Variants in PPP1R14D observed in about 807,000 individuals in gnomAD.
PPP1R14D encodes protein phosphatase 1 regulatory inhibitor subunit 14D, also known as protein phosphatase 1 regulatory subunit 14D.
In PPP1R14D, 14 loss-of-function variants were observed where a neutral mutation model predicts 17.1. The ratio of observed to expected loss-of-function variants is 0.82; its 90% CI spans 0.54 to 1.28. PPP1R14D has a LOEUF of 1.28. PPP1R14D is among the 50% of genes most tolerant of loss of function. PPP1R14D has a pLI of 0.00. For missense variants in PPP1R14D, 173 were observed against 179.2 expected, an observed-to-expected ratio of 0.97 and a Z score of 0.20; for synonymous variants, 67 against 66.1, an observed-to-expected ratio of 1.01 and a Z score of -0.06.
rs558484456 is a variant in PPP1R14D at position 40,819,589 on chromosome 15, C to T, written c.256-3336G>A. 6.6e-5 allele frequency among the ~76,000 whole-genome samples: 10 copies of T among 152,022 alleles called. No individual in the cohort carries two copies. The East Asian group carries it at 1.5e-3, about 23-fold the overall frequency. ...ATTATGAAAATAATCACAGAACCTC[C>T]GAAAGAGTTCTTGGGAATCTCCGAA... On this transcript the variant is annotated intron_variant, in intron 1 of 3. Coordinates refer to ENST00000299174, the MANE Select transcript of PPP1R14D (RefSeq NM_017726.8).
intron 1 of PPP1R14D, among the ~76,000 whole-genome samples, chr15:40,824,797 T>A (rs934151207): frequency 6.6e-6 from 1 of 152,194 alleles, no homozygotes; most frequent in African/African-American, 2.4e-5. Context: ...TGGTCAACAG[T>A]GTCCCTTGCT....
intron 1 of PPP1R14D, 62 bp downstream of exon 1, chr15:40,828,325 T>C (rs1890905449): frequency 1.3e-6 from 2 of 1,513,376 alleles, no homozygotes; most frequent in Non-Finnish European, 1.8e-6. Flanking sequence ...CCTGTGAAGG[T>C]CTCAGTGCCC....
rs1890673016 is a variant in PPP1R14D, at chr15:40,816,651, C to T, written c.256-398G>A. 2.6e-5 allele frequency among the ~76,000 whole-genome samples: 4 copies of T among 151,722 alleles called. No individual in the cohort carries two copies. The South Asian group carries it at 8.3e-4, about 32-fold the overall frequency. The stretch of plus-strand genomic sequence containing the variant: ...TCACTTGAACCCAGAACCTGGGAGG[C>T]AGAGGTTGCAGTGAGCCGAGATTGT... On this transcript the variant is annotated intron_variant, in intron 1 of 3. Coordinates refer to ENST00000299174, the MANE Select transcript of PPP1R14D (RefSeq NM_017726.8).
At chr15:40,824,581 C>G (rs1195326472) in intron 1 of PPP1R14D, among the ~76,000 whole-genome samples, 2 of 151,952 alleles carry the variant, frequency 1.3e-5, no homozygotes, top group African/African-American at 2.4e-5. Flanking sequence ...ATTACCTATG[C>G]TAATCTCGAA....
chr15:40,815,803 T>C, intron 3 of PPP1R14D, 42 bp from the exon 4 acceptor site: 2 of 1,554,998 alleles, frequency 1.3e-6, no homozygotes. Context: ...GGGGTCACAA[T>C]TCACCCCCCA....
At chr15:40,821,388 T>C (rs1890773822) in intron 1 of PPP1R14D, among the ~76,000 whole-genome samples, 1 of 151,492 alleles carries the variant, frequency 6.6e-6, no homozygotes, top group African/African-American at 2.4e-5. Context: ...AAAAATTGCA[T>C]ATTTTAAATG....
intron 1 of PPP1R14D, among the ~76,000 whole-genome samples, chr15:40,823,876 A>G (rs978928530): frequency 6.6e-6 from 1 of 151,930 alleles, no homozygotes; most frequent in Non-Finnish European, 1.5e-5. Context: ...TGAGTACAAG[A>G]CTGCCACTGG....
chr15:40,826,678 T>C (rs1357061408), intron 1 of PPP1R14D, among the ~76,000 whole-genome samples: 7 of 152,202 alleles, frequency 4.6e-5, no homozygotes, highest in Non-Finnish European at 1.0e-4. Context: ...TGTAAAGCAG[T>C]ACCTGCTGGC....
At position 40,816,192 on chromosome 15, in the gene PPP1R14D, T is replaced by G; in HGVS notation, c.317A>C (p.Glu106Ala). Reference sequence around the variant, plus strand: ...TACCTCCAGCTGAGTCTTCTGCTCCTCTGTGGATAGATCCATGAGAGCTTC... The same window carrying G: ...TACCTCCAGCTGAGTCTTCTGCTCCGCTGTGGATAGATCCATGAGAGCTTC... ...DLEALMDLST[E>A]EQKTQLEAIL... Residue 106 changes from glutamate (E) to alanine (A), a missense_variant, in exon 2 of 4, where the codon GAG becomes GCG. By Grantham distance (107) the Glu-to-Ala change is moderately radical (BLOSUM62 -1). Transcript: ENST00000299174. The G allele has an allele frequency of 6.2e-7, 1 of 1,614,170 alleles. No individual in the cohort carries two copies. The highest frequency in any genetic ancestry group is 8.5e-7 in the Non-Finnish European group (1 of 1,180,012).
intron 1 of PPP1R14D, among the ~76,000 whole-genome samples, chr15:40,822,266 C>A (rs912337282): frequency 9.2e-5 from 14 of 151,686 alleles, no homozygotes; most frequent in African/African-American, 3.4e-4. Flanking sequence ...AGGCAGATTG[C>A]TTGAGCCCAA....
intron 1 of PPP1R14D, among the ~76,000 whole-genome samples, chr15:40,818,062 G>A (rs1044223203): frequency 2.5e-4 from 38 of 152,062 alleles, no homozygotes; most frequent in African/African-American, 5.8e-4. Flanking sequence ...AGGCTGAGGC[G>A]GGCTGATCAC....
At chr15:40,820,137 A>G (rs2141986613) in intron 1 of PPP1R14D, among the ~76,000 whole-genome samples, 1 of 150,564 alleles carries the variant, frequency 6.6e-6, no homozygotes, top group African/African-American at 2.4e-5. Flanking sequence ...AAGTGCTGGG[A>G]TTACAGGCAT....
At chr15:40,822,319 TAA>T (rs936212146) in intron 1 of PPP1R14D, among the ~76,000 whole-genome samples, 9 of 139,940 alleles carry the variant, frequency 6.4e-5, no homozygotes, top group Admixed American at 7.2e-5. Context: ...ACCTTGCCTC[TAA>T]AAAAAAAAAA....
chr15:40,818,302 A>C (rs544639220), intron 1 of PPP1R14D, among the ~76,000 whole-genome samples: 4 of 151,396 alleles, frequency 2.6e-5, no homozygotes, highest in South Asian at 2.1e-4. Context: ...AAAAAAAAAA[A>C]AAAAAAAAAA....
At chr15:40,821,638 A>T (rs941187161) in intron 1 of PPP1R14D, among the ~76,000 whole-genome samples, 1 of 152,086 alleles carries the variant, frequency 6.6e-6, no homozygotes, top group Non-Finnish European at 1.5e-5. Flanking sequence ...TAATAAAGAT[A>T]AACTCTAGGC....
intron 1 of PPP1R14D, among the ~76,000 whole-genome samples, chr15:40,821,788 TGTG>T (rs1890782307): frequency 6.6e-6 from 1 of 150,658 alleles, no homozygotes; most frequent in Admixed American, 6.6e-5. Context: ...ATTAGCCGGG[TGTG>T]GTGGTGCATG....
chr15:40,819,642 C>T (rs887902754), intron 1 of PPP1R14D, among the ~76,000 whole-genome samples: 1 of 151,932 alleles, frequency 6.6e-6, no homozygotes, highest in African/African-American at 2.4e-5. Flanking sequence ...CCATGGGTCA[C>T]TAGACCACAC....
chr15:40,826,117 A>G lies in PPP1R14D; in HGVS notation c.255+2270T>C, dbSNP rs931598199. Among the ~76,000 whole-genome samples the G allele has an allele frequency of 3.9e-5, 6 of 152,162 alleles. No individual in the cohort carries two copies. In the South Asian group the frequency reaches 1.2e-3, roughly 32 times the overall value. Reference sequence around the variant, plus strand: ...GGTCAGAGCAGATACAGGCCAAGATAGTTTGCCTCCCAGCTCCAAGGGGTC... The same window carrying G: ...GGTCAGAGCAGATACAGGCCAAGATGGTTTGCCTCCCAGCTCCAAGGGGTC... On this transcript the variant is annotated intron_variant, in intron 1 of 3. Transcript: ENST00000299174.
chr15:40,817,849 G>C (rs1485474594), intron 1 of PPP1R14D, among the ~76,000 whole-genome samples: 1 of 151,950 alleles, frequency 6.6e-6, no homozygotes, highest in African/African-American at 2.4e-5. Flanking sequence ...CTGGTCTCAA[G>C]TGATCCTCCC....
Sources: allele counts gnomAD v4.1 joint callset (sites outside exome capture counted in the v4.1 genomes callset), GRCh38; gene constraint gnomAD v4.1.1; transcripts MANE v1.5; gene names NCBI Gene and HGNC (gene_info 2026-07-23, HGNC 2026-07-21).